Variants in OPCML observed in about 807,000 individuals in gnomAD.
OPCML encodes opioid-binding protein/cell adhesion molecule.
In OPCML, 13 loss-of-function variants were observed where a neutral mutation model predicts 37.8. The ratio of observed to expected loss-of-function variants is 0.34; its 90% CI spans 0.22 to 0.55. The LOEUF (loss-of-function observed/expected upper bound fraction) is 0.55, where lower values mean the gene tolerates loss of function less well. Among genes scored for constraint, OPCML ranks in the 20% least tolerant of loss-of-function variants. The pLI is 0.91. For missense variants in OPCML, 341 were observed against 435.6 expected (o/e 0.78, Z 1.93); for synonymous variants, 176 against 168.8 (o/e 1.04, Z -0.33).
At chr11:133,077,631 A>T (rs991632190) in intron 1 of OPCML, among the ~76,000 whole-genome samples, 1 of 152,206 alleles carries the variant, frequency 6.6e-6, no homozygotes, top group African/African-American at 2.4e-5. Context: ...CTATTAAATG[A>T]AGGAAGCACA....
intron 2 of OPCML, among the ~76,000 whole-genome samples, chr11:132,765,870 C>T (rs775020976): frequency 1.3e-5 from 2 of 152,092 alleles, no homozygotes; most frequent in African/African-American, 2.4e-5. Flanking sequence ...TGGAGACAGG[C>T]TTGACTTCAG....
intron 4 of OPCML, among the ~76,000 whole-genome samples, chr11:132,479,095 G>T (rs527908104): frequency 6.6e-6 from 1 of 152,108 alleles, no homozygotes; most frequent in Non-Finnish European, 1.5e-5. Flanking sequence ...GCAGAAGACG[G>T]GTGATTTCTG....
At chr11:132,931,675 G>A (rs1033061970) in intron 2 of OPCML, among the ~76,000 whole-genome samples, 20 of 152,154 alleles carry the variant, frequency 1.3e-4, no homozygotes, top group African/African-American at 4.6e-4. Flanking sequence ...TTGGCAAGAA[G>A]GTGGTGAAGT....
At chr11:133,129,641 A>G (rs1949573787) in intron 1 of OPCML, among the ~76,000 whole-genome samples, 1 of 152,172 alleles carries the variant, frequency 6.6e-6, no homozygotes, top group South Asian at 2.1e-4. Context: ...GGTGTCTCAC[A>G]CTTATAATTC....
chr11:132,517,967 T>A (rs1289704217), intron 4 of OPCML, among the ~76,000 whole-genome samples: 1 of 152,194 alleles, frequency 6.6e-6, no homozygotes, highest in East Asian at 1.9e-4. Context: ...TGTTCTTAGT[T>A]AAATCCAGAC....
chr11:133,180,917 AG>A lies in OPCML; in HGVS notation c.62-237908del, dbSNP rs566490911. 3.8e-3 allele frequency among the ~76,000 whole-genome samples: 573 copies of A among 152,172 alleles called. 3 individuals carry two copies. Among genetic ancestry groups the A allele is most frequent in the Admixed American group, 8.5e-3 (130 of 15,296 alleles). ...ATGTTCACATAAAAATCTGCATGCA[AG>A]TGTTATGTAGCAACTTTATTCATAA... is the stretch of plus-strand genomic sequence containing the variant. On this transcript the variant is annotated intron_variant, in intron 1 of 7. Coordinates refer to ENST00000524381, the MANE Select transcript of OPCML (RefSeq NM_001012393.5).
intron 1 of OPCML, chr11:133,421,112 C>A: frequency 1.0e-6 from 1 of 985,288 alleles, no homozygotes; most frequent in African/African-American, 1.7e-5. Context: ...GCAGTGTTAC[C>A]AAATGTTCTC....
intron 1 of OPCML, among the ~76,000 whole-genome samples, chr11:133,354,431 C>A (rs1255187181): frequency 6.6e-6 from 1 of 151,904 alleles, no homozygotes; most frequent in Non-Finnish European, 1.5e-5. Flanking sequence ...TTTACAACAA[C>A]CCTATAAAGG....
At position 133,455,345 on chromosome 11, in the gene OPCML, A is replaced by T. The variant is rs144625659; in HGVS notation, c.61+76919T>A. Among the ~76,000 whole-genome samples, 290 of 152,256 alleles carry T rather than the reference A, an allele frequency of 1.9e-3. 5 individuals are homozygous for T. The East Asian group carries it at 0.042, about 22-fold the overall frequency. On this transcript the variant is annotated intron_variant, in intron 1 of 7. Transcript: ENST00000524381. The stretch of plus-strand genomic sequence containing the variant: ...TAGCCTTCTAGTTTTTATAAGCTCC[A>T]TTTTTAATTTTATGATTCCCACATA...
chr11:132,803,546 G>T (rs1337180542), intron 2 of OPCML, among the ~76,000 whole-genome samples: 1 of 152,156 alleles, frequency 6.6e-6, no homozygotes, highest in Non-Finnish European at 1.5e-5. Flanking sequence ...GATGGGACAT[G>T]GTGGGAGGGA....
intron 2 of OPCML, among the ~76,000 whole-genome samples, chr11:132,742,601 CT>C (rs1945467281): frequency 6.6e-6 from 1 of 151,980 alleles, no homozygotes; most frequent in African/African-American, 2.4e-5. Flanking sequence ...CACTCTATCT[CT>C]GGTATTTTTG....
intron 3 of OPCML, among the ~76,000 whole-genome samples, chr11:132,591,290 AT>A (rs1348503281): frequency 5.3e-5 from 8 of 152,188 alleles, no homozygotes; most frequent in Admixed American, 2.0e-4. Context: ...GTGGCTCTTA[AT>A]CCCAAAGACT....
intron 2 of OPCML, among the ~76,000 whole-genome samples, chr11:132,882,831 G>A (rs1014638019): frequency 6.6e-6 from 1 of 152,126 alleles, no homozygotes; most frequent in African/African-American, 2.4e-5. Context: ...TTTCCAAGAG[G>A]AGAAAATATT....
chr11:132,883,218 C>A (rs1211073779), intron 2 of OPCML, among the ~76,000 whole-genome samples: 2 of 151,722 alleles, frequency 1.3e-5, no homozygotes, highest in Non-Finnish European at 2.9e-5. Flanking sequence ...AAAATAGAGA[C>A]CAAGGTGCCT....
At chr11:132,895,440 A>G (rs1287334203) in intron 2 of OPCML, among the ~76,000 whole-genome samples, 1 of 152,210 alleles carries the variant, frequency 6.6e-6, no homozygotes, top group African/African-American at 2.4e-5. Context: ...CCTCCCATGT[A>G]GCCACAGGTC....
intron 1 of OPCML, among the ~76,000 whole-genome samples, chr11:133,368,176 C>T (rs1008470203): frequency 4.9e-5 from 7 of 142,368 alleles, no homozygotes; most frequent in South Asian, 2.2e-4. Context: ...AATGTGAAAG[C>T]GAAAGGGAGG....
intron 3 of OPCML, among the ~76,000 whole-genome samples, chr11:132,642,497 A>T (rs1410392230): frequency 6.6e-6 from 1 of 152,200 alleles, no homozygotes; most frequent in Non-Finnish European, 1.5e-5. Context: ...TTATCCACAA[A>T]ATCTAACATA....
chr11:133,308,691 T>C (rs955575247), intron 1 of OPCML, among the ~76,000 whole-genome samples: 4 of 152,104 alleles, frequency 2.6e-5, no homozygotes, highest in Non-Finnish European at 5.9e-5. Flanking sequence ...GGTTTCTAAA[T>C]ACCATTCATC....
chr11:133,344,029 C>A (rs1404825067), intron 1 of OPCML, among the ~76,000 whole-genome samples: 2 of 152,304 alleles, frequency 1.3e-5, no homozygotes, highest in East Asian at 3.9e-4. Context: ...AAAGATTAAA[C>A]CCTGCGAGGA....
Sources: allele counts gnomAD v4.1 joint callset (sites outside exome capture counted in the v4.1 genomes callset), GRCh38; gene constraint gnomAD v4.1.1; transcripts MANE v1.5; gene names NCBI Gene and HGNC (gene_info 2026-07-23, HGNC 2026-07-21).